Variants in UBAC1 observed in about 807,000 individuals in gnomAD.
UBAC1 encodes the protein ubiquitin-associated domain-containing protein 1.
UBAC1 carries 27 observed loss-of-function variants against 45.9 expected under a neutral mutation model. That is an observed-to-expected ratio of 0.59 (90% CI 0.43 to 0.81). UBAC1 has a LOEUF of 0.81. UBAC1 is among the 30% of genes least tolerant of loss of function. The probability of loss-of-function intolerance (pLI) is 0.00; values close to 1 mark genes in which losing one functional copy is unlikely to be tolerated. For missense variants in UBAC1, 529 were observed against 539.2 expected (o/e 0.98, Z 0.19); for synonymous variants, 227 against 215.5 (o/e 1.05, Z -0.47).
intron 1 of UBAC1, among the ~76,000 whole-genome samples, chr9:135,957,861 G>A (rs1839485255): frequency 7.2e-6 from 1 of 138,808 alleles, no homozygotes; most frequent in Non-Finnish European, 1.5e-5. Flanking sequence ...TGCAACCTCC[G>A]CTTCCCAGGT....
chr9:135,953,830 G>A (rs926494364), intron 2 of UBAC1, 77 bp from the exon 3 acceptor site: 2 of 1,347,496 alleles, frequency 1.5e-6, no homozygotes, highest in Non-Finnish European at 2.1e-6. Context: ...GGTGCTGGAT[G>A]CCCTGAGAAC....
intron 2 of UBAC1, among the ~76,000 whole-genome samples, 171 bp downstream of exon 2, chr9:135,955,124 C>T (rs1320069938): frequency 6.6e-6 from 1 of 152,204 alleles, no homozygotes; most frequent in Non-Finnish European, 1.5e-5. Flanking sequence ...TACTCTATAA[C>T]AGAACTCTTT....
chr9:135,944,932 C>T, intron 7 of UBAC1, 96 bp downstream of exon 7: 1 of 1,289,102 alleles, frequency 7.8e-7, no homozygotes, highest in Non-Finnish European at 1.1e-6. Context: ...CCAGCTCAGC[C>T]CAAGGTCAGC....
Position 135,933,296 on chromosome 9 carries a change from G to T in UBAC1, c.*104C>A. The T allele has an allele frequency of 1.1e-6, 1 of 881,342 alleles. No individual in the cohort carries two copies. Among genetic ancestry groups the T allele is most frequent in the Non-Finnish European group, 1.9e-6 (1 of 531,384 alleles). The allele number at this position is 881,342 out of a possible 1,614,324, so 54.6% of individuals were successfully genotyped here. ...AGCTGCAGCACCTCTAACAGTCCAG[G>T]GCTGAGGCGCTGAAGGTGAGTTTCC... On this transcript the variant is annotated 3_prime_UTR_variant, in exon 10 of 10. Coordinates refer to ENST00000371756, the MANE Select transcript of UBAC1 (RefSeq NM_016172.3).
Position 135,955,240 on chromosome 9 carries a change from G to A in UBAC1, c.259+55C>T, listed in dbSNP as rs552790739. On this transcript the variant is annotated intron_variant, in intron 2 of 9. Transcript: ENST00000371756. Reference sequence around the variant, plus strand: ...TGGACCACCCCCTCCTGGCTCCAGCGCCCCCAGCAGTGCACGATGCCTGCT... The same window carrying A: ...TGGACCACCCCCTCCTGGCTCCAGCACCCCCAGCAGTGCACGATGCCTGCT... 1.9e-5 allele frequency: 27 copies of A among 1,448,880 alleles called. 1 individual carries two copies. The highest frequency in any genetic ancestry group is 1.0e-4 in the African/African-American group (7 of 69,860). The allele number at this position is 1,448,880 out of a possible 1,614,324, so 89.8% of individuals were successfully genotyped here. A position where few individuals can be genotyped will look rare whatever the true frequency, so the allele number is the denominator to read the frequency against.
Position 135,933,314 on chromosome 9 carries a change from G to A in UBAC1, c.*86C>T. On this transcript the variant is annotated 3_prime_UTR_variant, in exon 10 of 10. Coordinates refer to ENST00000371756, the MANE Select transcript of UBAC1 (RefSeq NM_016172.3). ...AGTCCAGGGCTGAGGCGCTGAAGGTGAGTTTCCAGGTGAGGTCCACTCTGC... is the reference window on the plus strand; with the variant it reads ...AGTCCAGGGCTGAGGCGCTGAAGGTAAGTTTCCAGGTGAGGTCCACTCTGC... 2 of 1,075,590 alleles carry A rather than the reference G, an allele frequency of 1.9e-6. No homozygotes were observed. The highest frequency in any genetic ancestry group is 4.7e-5 in the East Asian group (2 of 42,358). The allele number at this position is 1,075,590 out of a possible 1,614,324, so 66.6% of individuals were successfully genotyped here.
At chr9:135,957,575 C>T (rs116104525) in intron 1 of UBAC1, among the ~76,000 whole-genome samples, 24 of 151,986 alleles carry the variant, frequency 1.6e-4, no homozygotes, top group African/African-American at 5.8e-4. Context: ...CAACCAAGGC[C>T]GCTGGAGTAG....
intron 1 of UBAC1, among the ~76,000 whole-genome samples, chr9:135,958,049 C>CTT (rs756622970): frequency 0.02 from 2,580 of 126,326 alleles, 130 homozygotes; most frequent in African/African-American, 0.07. Flanking sequence ...GTATAATTTT[C>CTT]TTTTTTTTTT....
chr9:135,954,829 C>T (rs1226945093), intron 2 of UBAC1, among the ~76,000 whole-genome samples: 1 of 152,192 alleles, frequency 6.6e-6, no homozygotes, highest in East Asian at 1.9e-4. Flanking sequence ...ATTTTCAAAA[C>T]AGCTTACTTC....
chr9:135,956,033 G>A (rs887296857), intron 1 of UBAC1, among the ~76,000 whole-genome samples: 5 of 152,198 alleles, frequency 3.3e-5, no homozygotes, highest in Admixed American at 6.5e-5. Flanking sequence ...ACCCCTGGGC[G>A]GCTTGAAGGT....
chr9:135,953,311 A>C (rs1391075611), intron 3 of UBAC1, among the ~76,000 whole-genome samples: 2 of 151,458 alleles, frequency 1.3e-5, no homozygotes, highest in Non-Finnish European at 2.9e-5. Flanking sequence ...TTTTTTTTTA[A>C]GTTTGTATTT....
chr9:135,954,276 T>A (rs1411707201), intron 2 of UBAC1, among the ~76,000 whole-genome samples: 1 of 151,272 alleles, frequency 6.6e-6, no homozygotes, highest in African/African-American at 2.4e-5. Context: ...CGAGACCCCA[T>A]CTCTACGAAA....
At position 135,939,694 on chromosome 9, in the gene UBAC1, G is replaced by A. The variant is rs1260149732; in HGVS notation, c.942C>T (p.Asn314=). ...TCACCGCGGCATTCTGCTGGTTGTT[G>A]TTCACTCTGAGGGCATCTATCACCT... ...EKEVIDALRV[N]NNQQNAACEW... The change falls in exon 8 of 10, where the codon AAC becomes AAT. Residue 314 remains asparagine, a synonymous_variant. Coordinates refer to ENST00000371756, the MANE Select transcript of UBAC1 (RefSeq NM_016172.3). 6.2e-7 allele frequency: 1 copy of A among 1,613,912 alleles called. No individual in the cohort carries two copies.
chr9:135,946,143 C>T, intron 5 of UBAC1, 126 bp downstream of exon 5: 2 of 1,026,396 alleles, frequency 1.9e-6, no homozygotes, highest in South Asian at 1.4e-5. Context: ...AGGCAGGCCC[C>T]AGGCCCTCAT....
intron 7 of UBAC1, among the ~76,000 whole-genome samples, chr9:135,942,678 T>G (rs1271061065): frequency 6.6e-6 from 1 of 151,516 alleles, no homozygotes; most frequent in Middle Eastern, 3.2e-3. Context: ...GAGAAACTTT[T>G]ACATGCAGAG....
At chr9:135,959,371 GGT>G (rs1491394546) in intron 1 of UBAC1, among the ~76,000 whole-genome samples, 26 of 103,984 alleles carry the variant, frequency 2.5e-4, no homozygotes, top group African/African-American at 7.6e-4. Flanking sequence ...TTTTTTGTCT[GGT>G]TTTTTTTTTT....
rs771903287 is a variant in UBAC1 at position 135,945,846 on chromosome 9, C to A, written c.653+43G>T. The stretch of plus-strand genomic sequence containing the variant: ...CGGTGGGAGCCCCACAAAACCAGGC[C>A]CCAGGTGTCTCCGGCAAGGGAAGGA... On this transcript the variant is annotated intron_variant, in intron 6 of 9. Coordinates refer to ENST00000371756, the MANE Select transcript of UBAC1 (RefSeq NM_016172.3). 17 of 1,559,086 alleles carry A rather than the reference C, an allele frequency of 1.1e-5. No homozygotes were observed. The African/African-American group carries it at 1.4e-4, about 12-fold the overall frequency.
chr9:135,948,889 G>T, intron 3 of UBAC1, among the ~76,000 whole-genome samples: 1 of 152,132 alleles, frequency 6.6e-6, no homozygotes, highest in East Asian at 1.9e-4. Context: ...GGCCAACATG[G>T]TGAAACCCCA....
intron 3 of UBAC1, among the ~76,000 whole-genome samples, chr9:135,950,849 T>C (rs1216534784): frequency 6.6e-6 from 1 of 152,200 alleles, no homozygotes; most frequent in Non-Finnish European, 1.5e-5. Flanking sequence ...ATCCCAACAC[T>C]TGGGAGACCA....
Sources: gnomAD v4.1 joint callset for allele counts (sites outside exome capture counted in the v4.1 genomes callset) on GRCh38, gnomAD v4.1.1 for gene constraint, MANE v1.5 for transcripts, NCBI Gene and HGNC (gene_info 2026-07-23, HGNC 2026-07-21) for gene names.